Variants in CPQ observed in about 807,000 individuals in gnomAD.
CPQ encodes the protein carboxypeptidase Q, also known as Ser-Met dipeptidase.
In CPQ, 37 loss-of-function variants were observed where a neutral mutation model predicts 45.7. The ratio of observed to expected loss-of-function variants is 0.81; its 90% confidence interval spans 0.62 to 1.07. The LOEUF (loss-of-function observed/expected upper bound fraction) is 1.07, where lower values mean the gene tolerates loss of function less well. CPQ is among the 50% of genes least tolerant of loss of function. The pLI is 0.00. For synonymous variants in CPQ, 186 were observed against 205.8 expected (o/e 0.90, Z 0.82); for missense variants, 537 against 572.9 (o/e 0.94, Z 0.64).
At chr8:96,682,866 TA>T (rs1422349289) in intron 1 of CPQ, among the ~76,000 whole-genome samples, 22 of 152,320 alleles carry the variant, frequency 1.4e-4, no homozygotes, top group Admixed American at 3.3e-4. Flanking sequence ...GGAGACAGCA[TA>T]AAATTGGGTC....
chr8:96,905,779 A>G (rs1367709221), intron 4 of CPQ, among the ~76,000 whole-genome samples: 1 of 151,662 alleles, frequency 6.6e-6, no homozygotes, highest in African/African-American at 2.4e-5. Flanking sequence ...AAAAAAAAAA[A>G]AAAAGACTGG....
At chr8:97,044,262 C>T (rs1257515299) in intron 6 of CPQ, among the ~76,000 whole-genome samples, 1 of 152,198 alleles carries the variant, frequency 6.6e-6, no homozygotes, top group Non-Finnish European at 1.5e-5. Flanking sequence ...ACCCTTTCTT[C>T]CAGTTGATTG....
At chr8:96,861,983 A>G (rs1368443950) in intron 3 of CPQ, among the ~76,000 whole-genome samples, 1 of 152,122 alleles carries the variant, frequency 6.6e-6, no homozygotes, top group Non-Finnish European at 1.5e-5. Flanking sequence ...GCCATGGAAA[A>G]TTGTTTGAAT....
At chr8:96,769,241 G>A (rs960267954) in intron 1 of CPQ, among the ~76,000 whole-genome samples, 1 of 152,070 alleles carries the variant, frequency 6.6e-6, no homozygotes, top group Admixed American at 6.6e-5. Context: ...CCAAGTCTTG[G>A]GAAACTAGCA....
Position 96,881,825 on chromosome 8 carries a change from G to A in CPQ, c.849+1820G>A, listed in dbSNP as rs183984968. On this transcript the variant is annotated intron_variant, in intron 4 of 7. Transcript: ENST00000220763. Reference sequence around the variant, plus strand: ...GGCACATCAAATAGCTTTGTTGAGTGTTTGGCACATCACAGCTCACTGAAT... The same window carrying A: ...GGCACATCAAATAGCTTTGTTGAGTATTTGGCACATCACAGCTCACTGAAT... 6.4e-3 allele frequency among the ~76,000 whole-genome samples: 972 copies of A among 152,290 alleles called. 9 individuals are homozygous for A. The highest frequency in any genetic ancestry group is 0.025 in the South Asian group (122 of 4,830).
intron 2 of CPQ, among the ~76,000 whole-genome samples, chr8:96,831,230 A>ATG (rs112839062): frequency 0.054 from 8,016 of 149,780 alleles, 230 homozygotes; most frequent in Middle Eastern, 0.12. Flanking sequence ...GGTTATGGGT[A>ATG]TGTGTGTGTG....
At chr8:96,930,646 C>A (rs1812961980) in intron 4 of CPQ, among the ~76,000 whole-genome samples, 1 of 152,194 alleles carries the variant, frequency 6.6e-6, no homozygotes. Context: ...CCAGCAATGA[C>A]TTTTCAGTCA....
chr8:96,647,266 AAGG>A (rs1168638393), intron 1 of CPQ, among the ~76,000 whole-genome samples: 1 of 152,230 alleles, frequency 6.6e-6, no homozygotes, highest in Non-Finnish European at 1.5e-5. Context: ...TCAAGTTTAT[AAGG>A]AGAAGTGGAA....
intron 4 of CPQ, among the ~76,000 whole-genome samples, chr8:96,933,080 A>G (rs1323778325): frequency 6.6e-6 from 1 of 152,164 alleles, no homozygotes; most frequent in Non-Finnish European, 1.5e-5. Flanking sequence ...CTTGCCTCAG[A>G]GAGGACCACT....
chr8:96,873,512 T>A lies in CPQ; in HGVS notation c.642-6286T>A, dbSNP rs184670910. On this transcript the variant is annotated intron_variant, in intron 3 of 7. Transcript: ENST00000220763. The stretch of plus-strand genomic sequence containing the variant: ...TCTTAAGGTGCTAAATTAAAAAAAA[T>A]TAATAAAGTCAATTGAAAATTTTCC... Among the ~76,000 whole-genome samples the A allele has an allele frequency of 5.1e-4, 78 of 151,836 alleles. 1 individual carries two copies. In the East Asian group the frequency reaches 0.012, roughly 24 times the overall value.
intron 1 of CPQ, among the ~76,000 whole-genome samples, chr8:96,720,729 C>A (rs1809751603): frequency 6.6e-6 from 1 of 151,968 alleles, no homozygotes; most frequent in South Asian, 2.1e-4. Context: ...AGTTTTAATA[C>A]CACAGATATA....
intron 5 of CPQ, among the ~76,000 whole-genome samples, chr8:96,974,629 A>G (rs1420716309): frequency 6.6e-6 from 1 of 152,168 alleles, no homozygotes; most frequent in Non-Finnish European, 1.5e-5. Context: ...AACAAGTCTC[A>G]GTAAATTTAA....
chr8:96,769,626 A>ATTTTTTTTTTTTTTTTTTTTTTT (rs34672966), intron 1 of CPQ, among the ~76,000 whole-genome samples: 1 of 112,664 alleles, frequency 8.9e-6, no homozygotes, highest in Non-Finnish European at 1.8e-5. Flanking sequence ...TGTTTACTGG[A>ATTTTTTTTTTTTTTTTTTTTTTT]TTTTTTTTTT....
At chr8:96,910,781 G>A (rs1236217985) in intron 4 of CPQ, among the ~76,000 whole-genome samples, 1 of 152,158 alleles carries the variant, frequency 6.6e-6, no homozygotes, top group African/African-American at 2.4e-5. Context: ...TGGGATTACA[G>A]GCGTGAGCCA....
At chr8:97,087,537 TA>T (rs1207791980) in intron 7 of CPQ, among the ~76,000 whole-genome samples, 2 of 152,180 alleles carry the variant, frequency 1.3e-5, no homozygotes, top group Non-Finnish European at 2.9e-5. Context: ...ACATCTTGAA[TA>T]GTAAATTAAG....
chr8:97,090,473 T>C (rs1563577321), intron 7 of CPQ, among the ~76,000 whole-genome samples: 1 of 152,214 alleles, frequency 6.6e-6, no homozygotes, highest in Non-Finnish European at 1.5e-5. Flanking sequence ...TCACAGACTT[T>C]CCCCATAACT....
intron 1 of CPQ, among the ~76,000 whole-genome samples, chr8:96,737,357 T>TATATATATATATATATATAC (rs1809999872): frequency 7.0e-6 from 1 of 142,542 alleles, no homozygotes; most frequent in African/African-American, 2.6e-5. Context: ...TAATAGGAGA[T>TATATATATATATATATATAC]ATATATATAT....
intron 4 of CPQ, among the ~76,000 whole-genome samples, chr8:96,934,893 G>C (rs972430444): frequency 6.6e-6 from 1 of 152,034 alleles, no homozygotes; most frequent in Admixed American, 6.6e-5. Context: ...AGATCATCAC[G>C]GTCTCCCAGT....
At chr8:96,645,937 G>A (rs1815514191) in intron 1 of CPQ, among the ~76,000 whole-genome samples, 1 of 150,894 alleles carries the variant, frequency 6.6e-6, no homozygotes, top group African/African-American at 2.4e-5. Flanking sequence ...ATCTGACTTA[G>A]GACTCAGAGC....
Sources: gnomAD v4.1 joint callset for allele counts (sites outside exome capture counted in the v4.1 genomes callset) on GRCh38, gnomAD v4.1.1 for gene constraint, MANE v1.5 for transcripts, NCBI Gene and HGNC (gene_info 2026-07-23, HGNC 2026-07-21) for gene names.